Variants in SPATA17 observed in about 807,000 individuals in gnomAD.
The protein encoded by SPATA17 is spermatogenesis-associated protein 17.
In SPATA17, 53 loss-of-function variants were observed where a neutral mutation model predicts 62.2. That is an observed-to-expected ratio of 0.85 (90% CI 0.68 to 1.07). The LOEUF (loss-of-function observed/expected upper bound fraction) is 1.07. SPATA17 is among the 50% of genes least tolerant of loss of function. SPATA17 has a pLI of 0.00. For synonymous variants in SPATA17, 146 were observed against 146.8 expected, an observed-to-expected ratio of 0.99 and a Z score of 0.04; for missense variants, 466 against 425.5, an observed-to-expected ratio of 1.10 and a Z score of -0.84.
intron 9 of SPATA17, among the ~76,000 whole-genome samples, chr1:217,839,394 T>C (rs1173284272): frequency 1.3e-5 from 2 of 152,088 alleles, no homozygotes; most frequent in Non-Finnish European, 2.9e-5. Flanking sequence ...CAGCTTGTCG[T>C]GAAACTGTTC....
At position 217,854,690 on chromosome 1, in the gene SPATA17, T is replaced by C. The variant is rs891763510; in HGVS notation, c.1006-8084T>C. Among the ~76,000 whole-genome samples the C allele has an allele frequency of 2.6e-5, 4 of 151,536 alleles. No individual in the cohort carries two copies. In the East Asian group the frequency reaches 7.7e-4, roughly 29 times the overall value. On this transcript the variant is annotated intron_variant, in intron 9 of 10. Transcript: ENST00000366933. ...GTACGGAGAGACCTGGCACAGCATCTACTAGCTGGAAAAAAAAAGTTTTCC... is the reference window on the plus strand; with the variant it reads ...GTACGGAGAGACCTGGCACAGCATCCACTAGCTGGAAAAAAAAAGTTTTCC...
At chr1:217,709,172 A>C (rs933942413) in intron 5 of SPATA17, among the ~76,000 whole-genome samples, 2 of 152,084 alleles carry the variant, frequency 1.3e-5, no homozygotes, top group Non-Finnish European at 2.9e-5. Context: ...TTCAGTGAAA[A>C]TCACTGGGAT....
intron 1 of SPATA17, among the ~76,000 whole-genome samples, chr1:217,635,788 G>T (rs1669922855): frequency 6.6e-6 from 1 of 151,960 alleles, no homozygotes; most frequent in African/African-American, 2.4e-5. Flanking sequence ...GGGGAGACCT[G>T]GTTTTTATCA....
intron 5 of SPATA17, among the ~76,000 whole-genome samples, chr1:217,704,073 T>A (rs1671668128): frequency 7.0e-6 from 1 of 142,566 alleles, no homozygotes; most frequent in African/African-American, 2.7e-5. Context: ...TGTGTATTTT[T>A]AAAACTCTTT....
intron 9 of SPATA17, among the ~76,000 whole-genome samples, chr1:217,858,790 G>T (rs894781020): frequency 6.6e-6 from 1 of 152,252 alleles, no homozygotes; most frequent in South Asian, 2.1e-4. Context: ...AGCACTTTGG[G>T]AGGCCAAGGC....
At chr1:217,727,247 C>CAAAAAT (rs370247140) in intron 5 of SPATA17, among the ~76,000 whole-genome samples, 3,600 of 132,736 alleles carry the variant, frequency 0.027, 78 homozygotes, top group African/African-American at 0.067. Flanking sequence ...AACTCCGTCT[C>CAAAAAT]AATAATAATA....
intron 7 of SPATA17, among the ~76,000 whole-genome samples, chr1:217,775,238 G>T (rs756007627): frequency 3.9e-5 from 6 of 152,142 alleles, no homozygotes; most frequent in Non-Finnish European, 7.4e-5. Context: ...CTTCTTTGAA[G>T]AAATGTCTAT....
At chr1:217,723,828 T>G (rs952629407) in intron 5 of SPATA17, among the ~76,000 whole-genome samples, 1 of 152,224 alleles carries the variant, frequency 6.6e-6, no homozygotes, top group East Asian at 1.9e-4. Flanking sequence ...TTTCAAATAC[T>G]GCATAACAGG....
chr1:217,777,951 A>G (rs1347267791), intron 7 of SPATA17, among the ~76,000 whole-genome samples: 1 of 152,138 alleles, frequency 6.6e-6, no homozygotes, highest in Non-Finnish European at 1.5e-5. Context: ...TAAATATAAA[A>G]TGAATTTTAT....
At chr1:217,740,440 CTTAT>C (rs1672603986) in intron 5 of SPATA17, among the ~76,000 whole-genome samples, 1 of 151,860 alleles carries the variant, frequency 6.6e-6, no homozygotes. Context: ...AGCAAAAGTT[CTTAT>C]TTAGTCATAT....
chr1:217,756,887 C>T (rs1673057201), intron 6 of SPATA17, among the ~76,000 whole-genome samples: 1 of 152,230 alleles, frequency 6.6e-6, no homozygotes, highest in Non-Finnish European at 1.5e-5. Flanking sequence ...CATCCTGTTA[C>T]ACATTGGTTT....
chr1:217,818,984 C>T (rs1261146037), intron 9 of SPATA17, among the ~76,000 whole-genome samples: 2 of 133,266 alleles, frequency 1.5e-5, no homozygotes, highest in Non-Finnish European at 3.2e-5. Context: ...TTGTCTTTTT[C>T]CTCAATTTCT....
In SPATA17 at chr1:217,742,028, A is replaced by T. The variant is rs1214113197; in HGVS notation, c.449A>T (p.Asn150Ile). Residue 150 changes from asparagine to isoleucine, a missense_variant, in exon 6 of 11, where the codon AAC becomes ATC. By Grantham distance (149) the Asn-to-Ile change is moderately radical. Transcript: ENST00000366933. ...EMKEREEKKA[N>I]LEREEKKRDY... ...AAAGAAAGAGAAGAGAAGAAGGCTA[A>T]CCTCGAAAGGGAAGAGAAGAAAAGA... The T allele has an allele frequency of 1.2e-6, 2 of 1,614,084 alleles. No individual in the cohort carries two copies. The highest frequency in any genetic ancestry group is 1.1e-5 in the South Asian group (1 of 91,084).
intron 9 of SPATA17, among the ~76,000 whole-genome samples, chr1:217,808,919 T>G (rs1674513014): frequency 6.6e-6 from 1 of 150,898 alleles, no homozygotes; most frequent in Non-Finnish European, 1.5e-5. Context: ...GGGGAAATGG[T>G]CTAAGATGAG....
intron 9 of SPATA17, among the ~76,000 whole-genome samples, chr1:217,809,509 T>G (rs985422531): frequency 6.6e-6 from 1 of 152,094 alleles, no homozygotes; most frequent in Non-Finnish European, 1.5e-5. Context: ...TGCTGTGTCA[T>G]AACATGGTGG....
chr1:217,762,400 C>T (rs986373875), intron 6 of SPATA17, among the ~76,000 whole-genome samples: 6 of 152,138 alleles, frequency 3.9e-5, no homozygotes, highest in Non-Finnish European at 8.8e-5. Flanking sequence ...GTTCCAAACC[C>T]AAGCTTTTCG....
rs532550166 is a variant in SPATA17, at chr1:217,681,906, A to G, written c.292-1352A>G. Among the ~76,000 whole-genome samples, 9 of 152,146 alleles carry G rather than the reference A, an allele frequency of 5.9e-5. No individual in the cohort carries two copies. In the South Asian group the frequency reaches 1.0e-3, roughly 18 times the overall value. ...GATGAAACCCAATGGACTGGTGCTT[A>G]GTCTCCATATTTCCCTTTCCTATTA... On this transcript the variant is annotated intron_variant, in intron 4 of 10. Coordinates refer to ENST00000366933, the MANE Select transcript of SPATA17 (RefSeq NM_138796.4).
chr1:217,744,011 A>G (rs577361069), intron 6 of SPATA17, among the ~76,000 whole-genome samples: 1 of 151,662 alleles, frequency 6.6e-6, no homozygotes, highest in East Asian at 1.9e-4. Flanking sequence ...AAGTCCATGA[A>G]GACTCAGTTT....
chr1:217,851,824 G>T (rs1675673194), intron 9 of SPATA17, among the ~76,000 whole-genome samples: 1 of 152,134 alleles, frequency 6.6e-6, no homozygotes, highest in African/African-American at 2.4e-5. Context: ...TTTGAGATTT[G>T]ATGACTAGTT....
Sources: allele counts gnomAD v4.1 joint callset (sites outside exome capture counted in the v4.1 genomes callset), GRCh38; gene constraint gnomAD v4.1.1; transcripts MANE v1.5; gene names NCBI Gene and HGNC (gene_info 2026-07-23, HGNC 2026-07-21).